Variants in SPOCK1 observed in about 807,000 individuals in gnomAD.
SPOCK1 encodes the protein SPARC (osteonectin), cwcv and kazal like domains proteoglycan 1.
SPOCK1 carries 23 observed loss-of-function variants against 55.3 expected under a neutral mutation model. That is an observed-to-expected ratio of 0.42 (90% CI 0.30 to 0.59). SPOCK1 has a LOEUF of 0.59. Ranked by LOEUF, SPOCK1 falls within the 20% of genes least tolerant of loss-of-function variation. SPOCK1 has a pLI of 0.22. For missense variants in SPOCK1, 499 were observed against 552.5 expected, an observed-to-expected ratio of 0.90 and a Z score of 0.97; for synonymous variants, 226 against 221.0, an observed-to-expected ratio of 1.02 and a Z score of -0.20.
chr5:137,380,854 C>A (rs570011289), intron 2 of SPOCK1, among the ~76,000 whole-genome samples: 88 of 152,292 alleles, frequency 5.8e-4, no homozygotes, highest in African/African-American at 2.1e-3. Context: ...GCCTCTTCAG[C>A]TCCCCTGGGA....
chr5:137,407,975 G>A (rs1752135710), intron 2 of SPOCK1, among the ~76,000 whole-genome samples: 1 of 149,796 alleles, frequency 6.7e-6, no homozygotes, highest in Admixed American at 6.7e-5. Context: ...CTTGGCTCCA[G>A]GCACAAGGGC....
intron 3 of SPOCK1, among the ~76,000 whole-genome samples, chr5:137,265,914 A>G (rs184087562): frequency 2.6e-5 from 4 of 152,308 alleles, no homozygotes. Context: ...TATCCCCAGT[A>G]CCTGGCTTGG....
intron 6 of SPOCK1, among the ~76,000 whole-genome samples, chr5:137,025,944 AG>A (rs1048451548): frequency 7.4e-4 from 113 of 152,360 alleles, no homozygotes; most frequent in African/African-American, 2.6e-3. Context: ...AACCCCACTC[AG>A]GAATACATTG....
intron 3 of SPOCK1, among the ~76,000 whole-genome samples, chr5:137,172,508 A>C (rs1347626059): frequency 6.6e-6 from 1 of 152,180 alleles, no homozygotes; most frequent in African/African-American, 2.4e-5. Context: ...TATTTCATGC[A>C]CTGTCATCTG....
At chr5:137,213,659 T>G (rs143677285) in intron 3 of SPOCK1, among the ~76,000 whole-genome samples, 1 of 152,234 alleles carries the variant, frequency 6.6e-6, no homozygotes, top group African/African-American at 2.4e-5. Flanking sequence ...CCAAACTAAT[T>G]CAGTATGTTG....
intron 3 of SPOCK1, among the ~76,000 whole-genome samples, chr5:137,250,454 ATTAC>A (rs1174119396): frequency 6.6e-6 from 1 of 152,224 alleles, no homozygotes; most frequent in Non-Finnish European, 1.5e-5. Context: ...GTTTTTTAAT[ATTAC>A]TTCTCACATT....
At chr5:137,172,365 C>CA (rs1754768893) in intron 3 of SPOCK1, among the ~76,000 whole-genome samples, 1 of 152,098 alleles carries the variant, frequency 6.6e-6, no homozygotes, top group African/African-American at 2.4e-5. Flanking sequence ...TCTATCTCTC[C>CA]ATTAATAGAC....
At chr5:137,087,912 C>A (rs1752988448) in intron 5 of SPOCK1, among the ~76,000 whole-genome samples, 1 of 152,154 alleles carries the variant, frequency 6.6e-6, no homozygotes, top group African/African-American at 2.4e-5. Context: ...AGGATTTCTG[C>A]AACAAAGAGC....
At chr5:137,141,519 G>A (rs59351512) in intron 3 of SPOCK1, among the ~76,000 whole-genome samples, 19,355 of 152,216 alleles carry the variant, frequency 0.13, 1,405 homozygotes, top group East Asian at 0.22. Context: ...AAGTTACAAC[G>A]TAACAGGGAG....
At chr5:137,450,057 C>A (rs573054927) in intron 2 of SPOCK1, among the ~76,000 whole-genome samples, 51 of 151,854 alleles carry the variant, frequency 3.4e-4, no homozygotes, top group African/African-American at 1.2e-3. Flanking sequence ...ATGGTAGATA[C>A]CTCCCAAAAA....
At chr5:137,377,049 A>G (rs745491096) in intron 2 of SPOCK1, among the ~76,000 whole-genome samples, 39 of 152,308 alleles carry the variant, frequency 2.6e-4, no homozygotes, top group Middle Eastern at 3.4e-3. Flanking sequence ...AAGAGTAAAC[A>G]TTATTATTTG....
chr5:137,023,215 A>G (rs1424026498), intron 6 of SPOCK1, among the ~76,000 whole-genome samples: 1 of 152,240 alleles, frequency 6.6e-6, no homozygotes, highest in Non-Finnish European at 1.5e-5. Context: ...ATGAATTAAC[A>G]TATATAGTTC....
chr5:137,305,701 A>G (rs1409583619), intron 2 of SPOCK1, among the ~76,000 whole-genome samples: 1 of 152,190 alleles, frequency 6.6e-6, no homozygotes, highest in Non-Finnish European at 1.5e-5. Flanking sequence ...ACCCAGTCCT[A>G]CTGCCTTCAC....
At chr5:137,257,528 A>G (rs1490380065) in intron 3 of SPOCK1, among the ~76,000 whole-genome samples, 2 of 152,174 alleles carry the variant, frequency 1.3e-5, no homozygotes, top group East Asian at 1.9e-4. Context: ...TGGCACCCTC[A>G]TCTCCAACTT....
chr5:137,025,259 C>T (rs983949265), intron 6 of SPOCK1, among the ~76,000 whole-genome samples: 1 of 152,094 alleles, frequency 6.6e-6, no homozygotes, highest in Non-Finnish European at 1.5e-5. Context: ...AGGTAGATCC[C>T]TTTTCCAGGC....
chr5:137,394,287 A>G lies in SPOCK1; in HGVS notation c.186+104086T>C, dbSNP rs547640051. On this transcript the variant is annotated intron_variant, in intron 2 of 10. Transcript: ENST00000394945. Reference sequence around the variant, plus strand: ...TAAAACTCTTTATTAAGACTTTTACACACTACACACTACACAGTCCCGTAG... The same window carrying G: ...TAAAACTCTTTATTAAGACTTTTACGCACTACACACTACACAGTCCCGTAG... Among the ~76,000 whole-genome samples, 82 of 152,344 alleles carry G rather than the reference A, an allele frequency of 5.4e-4. 1 individual carries two copies. The highest frequency in any genetic ancestry group is 1.2e-3 in the Admixed American group (19 of 15,306).
chr5:137,249,475 A>T (rs1309640216), intron 3 of SPOCK1, among the ~76,000 whole-genome samples: 1 of 152,212 alleles, frequency 6.6e-6, no homozygotes, highest in Non-Finnish European at 1.5e-5. Flanking sequence ...TTACATGAAA[A>T]GGCAAGTATG....
intron 2 of SPOCK1, among the ~76,000 whole-genome samples, chr5:137,292,441 A>T (rs1207746094): frequency 5.2e-4 from 51 of 98,338 alleles, no homozygotes; most frequent in African/African-American, 2.8e-3. Context: ...AAAAAAAAAA[A>T]AAAAAAAAAA....
At chr5:137,409,210 A>G (rs1035950260) in intron 2 of SPOCK1, among the ~76,000 whole-genome samples, 7 of 152,196 alleles carry the variant, frequency 4.6e-5, no homozygotes, top group Non-Finnish European at 7.3e-5. Flanking sequence ...TCTTTATGAA[A>G]AGCCTGGAAG....
Sources: gnomAD v4.1 joint callset for allele counts (sites outside exome capture counted in the v4.1 genomes callset) on GRCh38, gnomAD v4.1.1 for gene constraint, MANE v1.5 for transcripts, NCBI Gene and HGNC (gene_info 2026-07-23, HGNC 2026-07-21) for gene names.